The following SLC16A9 variants were observed in gnomAD, a reference collection of about 807,000 sequenced individuals.
The protein encoded by SLC16A9 is solute carrier family 16 member 9, also known as monocarboxylate transporter 9.
SLC16A9 carries 26 observed loss-of-function variants against 44.3 expected under a neutral mutation model. The ratio of observed to expected loss-of-function variants is 0.59; its 90% CI spans 0.43 to 0.81. SLC16A9 has a LOEUF of 0.81. Among genes scored for constraint, SLC16A9 ranks in the 40% least tolerant of loss-of-function variants. The pLI is 0.00. For missense variants in SLC16A9, 559 were observed against 595.8 expected (o/e 0.94, Z 0.64); for synonymous variants, 230 against 225.1 (o/e 1.02, Z -0.19).
At chr10:59,657,016 G>A (rs1300010056) in intron 4 of SLC16A9, among the ~76,000 whole-genome samples, 1 of 152,140 alleles carries the variant, frequency 6.6e-6, no homozygotes, top group Non-Finnish European at 1.5e-5. Flanking sequence ...GGATCAGAGA[G>A]TAAATATTTA....
In SLC16A9 at chr10:59,697,795, G is replaced by T. The variant is rs150173227; in HGVS notation, c.-37+11684C>A. Among the ~76,000 whole-genome samples, 1,366 of 149,246 alleles carry T rather than the reference G, an allele frequency of 9.2e-3. 10 individuals are homozygous for T. Among genetic ancestry groups the T allele is most frequent in the Non-Finnish European group, 0.015 (997 of 67,044 alleles). Reference sequence around the variant, plus strand: ...TAAAAAAATAAAAAAATAAAAAAAAGATCAGAGGCTTCTTAAATCAAGTTT... The same window carrying T: ...TAAAAAAATAAAAAAATAAAAAAAATATCAGAGGCTTCTTAAATCAAGTTT... On this transcript the variant is annotated intron_variant, in intron 1 of 5. Transcript: ENST00000395348.
intron 4 of SLC16A9, among the ~76,000 whole-genome samples, chr10:59,655,234 G>A (rs1329363517): frequency 2.6e-5 from 4 of 152,156 alleles, no homozygotes; most frequent in Non-Finnish European, 5.9e-5. Flanking sequence ...AGGTTGCAGT[G>A]AGCCAAGATT....
At chr10:59,662,043 C>A (rs112971375) in intron 4 of SLC16A9, among the ~76,000 whole-genome samples, 11,618 of 152,002 alleles carry the variant, frequency 0.076, 616 homozygotes, top group African/African-American at 0.13. Flanking sequence ...TAGAAGAAAA[C>A]CAAGGCAATA....
intron 1 of SLC16A9, among the ~76,000 whole-genome samples, chr10:59,696,585 C>G (rs1163175695): frequency 1.3e-5 from 2 of 150,574 alleles, no homozygotes; most frequent in East Asian, 4.0e-4. Context: ...ATGTGAGGAG[C>G]CTCTCTGCCT....
At position 59,672,760 on chromosome 10, in the gene SLC16A9, G is replaced by T. The variant is rs779457309; in HGVS notation, c.340+10C>A. ...AAGGTTAGGAAAGTCATAGTGACGA[G>T]GTTCCTTACCTACAACAATGCCATA... On this transcript the variant is annotated intron_variant, in intron 3 of 5. Coordinates refer to ENST00000395348, the MANE Select transcript of SLC16A9 (RefSeq NM_194298.3). 3.1e-6 allele frequency: 5 copies of T among 1,608,836 alleles called. No individual in the cohort carries two copies. The highest frequency in any genetic ancestry group is 4.2e-6 in the Non-Finnish European group (5 of 1,178,102).
intron 1 of SLC16A9, among the ~76,000 whole-genome samples, chr10:59,702,539 C>T (rs995144320): frequency 1.3e-5 from 2 of 152,206 alleles, no homozygotes; most frequent in Non-Finnish European, 2.9e-5. Flanking sequence ...TTTCTCTCAA[C>T]ATGTCATTCT....
rs549154528 is a variant in SLC16A9, at chr10:59,668,788, TCAGA to T, written c.340+3978_340+3981del. Among the ~76,000 whole-genome samples, 694 of 152,330 alleles carry T rather than the reference TCAGA, an allele frequency of 4.6e-3. 10 individuals are homozygous for T. The highest frequency in any genetic ancestry group is 5.2e-3 in the Non-Finnish European group (355 of 68,016). The stretch of plus-strand genomic sequence containing the variant: ...ATTATGGCATTATGTAGATACTGCC[TCAGA>T]CTACATTAAAAAATCATAGTACCTT... On this transcript the variant is annotated intron_variant, in intron 3 of 5. Coordinates refer to ENST00000395348, the MANE Select transcript of SLC16A9 (RefSeq NM_194298.3).
At chr10:59,686,895 G>T (rs200351744) in intron 1 of SLC16A9, among the ~76,000 whole-genome samples, 2 of 152,110 alleles carry the variant, frequency 1.3e-5, no homozygotes, top group Admixed American at 1.3e-4. Flanking sequence ...CAGTTGTACT[G>T]CAAGACCAGT....
In SLC16A9 at chr10:59,653,074, G is replaced by A. The variant is rs10826341; in HGVS notation, c.1352-124C>T. The A allele has an allele frequency of 9.0e-3, 5,891 of 652,182 alleles. 250 individuals are homozygous for A. The African/African-American group carries it at 0.098, about 11-fold the overall frequency. 40.4% of individuals were successfully genotyped at this position (652,182 alleles called of 1,614,324 possible). On this transcript the variant is annotated intron_variant, in intron 5 of 5. Transcript: ENST00000395348. ...TATATATATTACTCCACTACTTCCAGCGTGGTTTACTGGGAGTTAGAAGAA... is the reference window on the plus strand; with the variant it reads ...TATATATATTACTCCACTACTTCCAACGTGGTTTACTGGGAGTTAGAAGAA...
At chr10:59,658,226 T>C (rs1839392303) in intron 4 of SLC16A9, among the ~76,000 whole-genome samples, 1 of 152,116 alleles carries the variant, frequency 6.6e-6, no homozygotes, top group Admixed American at 6.6e-5. Flanking sequence ...CTGTTTCCAG[T>C]TGTCCTGCCT....
intron 4 of SLC16A9, among the ~76,000 whole-genome samples, chr10:59,657,683 A>T (rs998063292): frequency 4.6e-5 from 7 of 152,260 alleles, no homozygotes; most frequent in African/African-American, 1.7e-4. Context: ...CAACACAAAT[A>T]CATTTGGACA....
rs2132513261 is a variant in SLC16A9, at chr10:59,691,202, T to G, written c.-36-6875A>C. 2.0e-5 allele frequency among the ~76,000 whole-genome samples: 3 copies of G among 152,290 alleles called. 1 individual carries two copies. Among genetic ancestry groups the G allele is most frequent in the Admixed American group, 2.0e-4 (3 of 15,314 alleles). On this transcript the variant is annotated intron_variant, in intron 1 of 5. Transcript: ENST00000395348. ...TCAACGTTTTGGAGTCTTATTCAAA[T>G]GTATGAAAATGTGTTTCTAAGAAAT... is the stretch of plus-strand genomic sequence containing the variant.
intron 1 of SLC16A9, among the ~76,000 whole-genome samples, chr10:59,697,968 AAAAAAC>A (rs1202191339): frequency 2.7e-5 from 4 of 149,478 alleles, no homozygotes; most frequent in Non-Finnish European, 4.5e-5. Flanking sequence ...ACAGTAAAAA[AAAAAAC>A]AAAAAACAAA....
intron 1 of SLC16A9, among the ~76,000 whole-genome samples, chr10:59,707,327 G>C (rs1397973913): frequency 7.5e-6 from 1 of 132,864 alleles, no homozygotes; most frequent in Non-Finnish European, 1.6e-5. Flanking sequence ...GGGAAGGGAA[G>C]GGAAGGGAGG....
intron 3 of SLC16A9, 126 bp from the exon 4 acceptor site, chr10:59,664,448 G>A (rs1839561642): frequency 1.9e-6 from 1 of 539,724 alleles, no homozygotes; most frequent in Non-Finnish European, 3.2e-6. Context: ...TACAAGTACA[G>A]ACTCCTAGAT....
At chr10:59,696,064 GCCCTCTC>G (rs549409114) in intron 1 of SLC16A9, among the ~76,000 whole-genome samples, 2,301 of 151,856 alleles carry the variant, frequency 0.015, 27 homozygotes, top group Non-Finnish European at 0.024. Context: ...GATTTTTAAA[GCCCTCTC>G]CCCTCTCCCC....
intron 1 of SLC16A9, 29 bp from the exon 2 acceptor site, chr10:59,684,356 CTTAT>C: frequency 1.4e-6 from 2 of 1,417,508 alleles, no homozygotes; most frequent in Non-Finnish European, 9.7e-7. Context: ...AAAAGAGAAT[CTTAT>C]TTAGAGTGTG....
chr10:59,684,303 A>G lies in SLC16A9; in HGVS notation c.-12T>C. 2 of 1,609,854 alleles carry G rather than the reference A, an allele frequency of 1.2e-6. No homozygotes were observed. The highest frequency in any genetic ancestry group is 4.5e-5 in the East Asian group (2 of 44,802). On this transcript the variant is annotated 5_prime_UTR_variant, in exon 2 of 6. Transcript: ENST00000395348. ...TTTTTAAGTTCCATTGTAAGACAAA[A>G]TCAGGAGGCGTTTCTCTGCAGGTCC...
chr10:59,678,823 G>T (rs1354697119), intron 2 of SLC16A9, among the ~76,000 whole-genome samples: 1 of 151,696 alleles, frequency 6.6e-6, no homozygotes, highest in Non-Finnish European at 1.5e-5. Context: ...GATTACAGGC[G>T]TGAGCCACCG....
Sources: gnomAD v4.1 joint callset for allele counts (sites outside exome capture counted in the v4.1 genomes callset) on GRCh38, gnomAD v4.1.1 for gene constraint, MANE v1.5 for transcripts, NCBI Gene and HGNC (gene_info 2026-07-23, HGNC 2026-07-21) for gene names.